AUTS2: variants seen among roughly 807,000 people sequenced by gnomAD.
AUTS2 encodes autism susceptibility gene 2 protein.
A neutral mutation model predicts 112.4 loss-of-function variants in AUTS2; 17 were observed. The observed-to-expected ratio is 0.15, with a 90% confidence interval of 0.10 to 0.23. The LOEUF (loss-of-function observed/expected upper bound fraction) is 0.23. Among genes scored for constraint, AUTS2 ranks in the 10% least tolerant of loss-of-function variants. AUTS2 has a pLI of 1.00. For synonymous variants in AUTS2, 751 were observed against 702.7 expected, an observed-to-expected ratio of 1.07 and a Z score of -1.09; for missense variants, 1,510 against 1,701.6, an observed-to-expected ratio of 0.89 and a Z score of 1.98.
intron 3 of AUTS2, among the ~76,000 whole-genome samples, chr7:70,129,902 TGTG>T (rs1210600910): frequency 1.5e-4 from 11 of 73,406 alleles, no homozygotes; most frequent in Non-Finnish European, 2.4e-4. Flanking sequence ...ATATATATAT[TGTG>T]TGTGTGTGTG....
intron 5 of AUTS2, among the ~76,000 whole-genome samples, chr7:70,560,395 G>A (rs371301187): frequency 1.3e-5 from 2 of 152,118 alleles, no homozygotes; most frequent in African/African-American, 4.8e-5. Context: ...TGTCATATTC[G>A]CTGCTATATC....
chr7:70,306,783 G>A (rs559857663), intron 4 of AUTS2, among the ~76,000 whole-genome samples: 3 of 152,332 alleles, frequency 2.0e-5, no homozygotes, highest in Admixed American at 1.3e-4. Flanking sequence ...CACCAGGTCC[G>A]TAATCGCTGG....
At chr7:69,853,888 A>T (rs1056082033) in intron 1 of AUTS2, among the ~76,000 whole-genome samples, 1 of 152,196 alleles carries the variant, frequency 6.6e-6, no homozygotes, top group African/African-American at 2.4e-5. Context: ...AGTGAGATGA[A>T]AGTGAAAAAG....
intron 3 of AUTS2, among the ~76,000 whole-genome samples, chr7:70,132,935 T>G (rs1319651213): frequency 3.9e-5 from 6 of 152,184 alleles, no homozygotes; most frequent in African/African-American, 1.4e-4. Flanking sequence ...AGACCTAACT[T>G]GGCTTTTGCT....
chr7:69,661,940 T>A (rs983937775), intron 1 of AUTS2, among the ~76,000 whole-genome samples: 1 of 152,210 alleles, frequency 6.6e-6, no homozygotes, highest in Non-Finnish European at 1.5e-5. Flanking sequence ...ACCTCATGAA[T>A]GTGAAGGGGG....
chr7:70,099,366 T>A (rs1224233505), intron 2 of AUTS2, among the ~76,000 whole-genome samples: 1 of 152,196 alleles, frequency 6.6e-6, no homozygotes, highest in African/African-American at 2.4e-5. Context: ...TTAAAATTCT[T>A]GGATCTTAGC....
At chr7:69,946,739 T>C (rs769702796) in intron 2 of AUTS2, among the ~76,000 whole-genome samples, 4 of 152,232 alleles carry the variant, frequency 2.6e-5, no homozygotes, top group African/African-American at 7.2e-5. Flanking sequence ...CACATTTTGT[T>C]TATCCATTCA....
At chr7:69,829,647 C>G (rs1791411596) in intron 1 of AUTS2, among the ~76,000 whole-genome samples, 1 of 152,190 alleles carries the variant, frequency 6.6e-6, no homozygotes, top group Non-Finnish European at 1.5e-5. Context: ...CCCAACATCA[C>G]TGATCATTAG....
intron 4 of AUTS2, among the ~76,000 whole-genome samples, chr7:70,171,907 G>GGGC (rs1808716807): frequency 1.3e-5 from 2 of 150,266 alleles, no homozygotes; most frequent in African/African-American, 4.9e-5. Context: ...TTTTTTTTTG[G>GGGC]GGGGGGGTAG....
In AUTS2 at chr7:69,601,940, A is replaced by G. The variant is rs546076663; in HGVS notation, c.309+1978A>G. 4.0e-5 allele frequency among the ~76,000 whole-genome samples: 6 copies of G among 151,694 alleles called. No individual in the cohort carries two copies. The South Asian group carries it at 1.0e-3, about 26-fold the overall frequency. On this transcript the variant is annotated intron_variant, in intron 1 of 18. Coordinates refer to ENST00000342771, the MANE Select transcript of AUTS2 (RefSeq NM_015570.4). Reference sequence around the variant, plus strand: ...AAGTGGTTCTGCTTTCTGCATGGTTATCCTGAGCTCAGCAATCAAGAGGGG... The same window carrying G: ...AAGTGGTTCTGCTTTCTGCATGGTTGTCCTGAGCTCAGCAATCAAGAGGGG...
chr7:70,206,426 A>G (rs780542486), intron 4 of AUTS2, among the ~76,000 whole-genome samples: 1 of 151,972 alleles, frequency 6.6e-6, no homozygotes, highest in Non-Finnish European at 1.5e-5. Context: ...TTCCATAAGT[A>G]TAGATAATTG....
intron 1 of AUTS2, 133 bp downstream of exon 1, chr7:69,600,095 G>A (rs953167790): frequency 9.9e-6 from 10 of 1,013,864 alleles, no homozygotes; most frequent in Middle Eastern, 2.9e-4. Context: ...TCTAGGCTGA[G>A]GTCTTATTGT....
chr7:70,355,566 C>T (rs557002940), intron 4 of AUTS2, among the ~76,000 whole-genome samples: 4 of 152,180 alleles, frequency 2.6e-5, no homozygotes, highest in African/African-American at 7.2e-5. Flanking sequence ...CTCTCCTGGA[C>T]GCCCATCTCT....
intron 1 of AUTS2, among the ~76,000 whole-genome samples, chr7:69,751,919 ATTAC>A (rs1279377331): frequency 6.6e-6 from 1 of 152,218 alleles, no homozygotes; most frequent in Non-Finnish European, 1.5e-5. Flanking sequence ...GATTACATAT[ATTAC>A]TTAATCCACA....
intron 2 of AUTS2, among the ~76,000 whole-genome samples, chr7:69,968,606 T>A (rs577342301): frequency 6.6e-6 from 1 of 152,272 alleles, no homozygotes; most frequent in Admixed American, 6.5e-5. Flanking sequence ...TCCAGGAGGA[T>A]CCTAACGTGT....
intron 2 of AUTS2, among the ~76,000 whole-genome samples, chr7:70,100,103 C>G (rs1719369835): frequency 6.6e-6 from 1 of 152,130 alleles, no homozygotes; most frequent in South Asian, 2.1e-4. Flanking sequence ...CAGTAAGTAA[C>G]TCTTGTTGTG....
intron 4 of AUTS2, among the ~76,000 whole-genome samples, chr7:70,394,792 T>C (rs1288014853): frequency 6.6e-6 from 1 of 151,848 alleles, no homozygotes. Flanking sequence ...TAAAAGCTAC[T>C]ATTAGCCACG....
chr7:69,647,967 TA>T (rs1471744138), intron 1 of AUTS2, among the ~76,000 whole-genome samples: 1 of 152,204 alleles, frequency 6.6e-6, no homozygotes, highest in African/African-American at 2.4e-5. Flanking sequence ...CATCTTCTGG[TA>T]AGGACATCTG....
At chr7:70,023,642 T>G (rs1487169560) in intron 2 of AUTS2, among the ~76,000 whole-genome samples, 1 of 152,228 alleles carries the variant, frequency 6.6e-6, no homozygotes, top group African/African-American at 2.4e-5. Flanking sequence ...TTTTGGAGTT[T>G]GGTTGGAGGA....
Sources: gnomAD v4.1 joint callset for allele counts (sites outside exome capture counted in the v4.1 genomes callset) on GRCh38, gnomAD v4.1.1 for gene constraint, MANE v1.5 for transcripts, NCBI Gene and HGNC (gene_info 2026-07-23, HGNC 2026-07-21) for gene names.